Variants in CFAP54 observed in about 807,000 individuals in gnomAD.
CFAP54 encodes cilia and flagella associated protein 54.
In CFAP54, 290 loss-of-function variants were observed where a neutral mutation model predicts 370.4. The ratio of observed to expected loss-of-function variants is 0.78; its 90% CI spans 0.71 to 0.86. CFAP54 has a LOEUF of 0.86. Among genes scored for constraint, CFAP54 ranks in the 40% least tolerant of loss-of-function variants. The probability of loss-of-function intolerance (pLI) is 0.00; values close to 1 mark genes in which losing one functional copy is unlikely to be tolerated. For missense variants in CFAP54, 3,399 were observed against 3,528.7 expected (o/e 0.96, Z 0.93); for synonymous variants, 1,206 against 1,236.5 (o/e 0.98, Z 0.52).
At chr12:96,681,308 C>T (rs1032897983) in intron 40 of CFAP54, among the ~76,000 whole-genome samples, 1 of 151,862 alleles carries the variant, frequency 6.6e-6, no homozygotes, top group African/African-American at 2.4e-5. Context: ...TTAACTACTT[C>T]CCCTAGAATA....
intron 26 of CFAP54, among the ~76,000 whole-genome samples, chr12:96,608,459 CTTTTT>C (rs5800258): frequency 1.9e-5 from 2 of 107,000 alleles, no homozygotes; most frequent in Non-Finnish European, 3.6e-5. Flanking sequence ...CATAGTAGGA[CTTTTT>C]TTTTTTTTTT....
intron 66 of CFAP54, among the ~76,000 whole-genome samples, chr12:96,841,695 A>C (rs1220584191): frequency 6.6e-6 from 1 of 152,230 alleles, no homozygotes; most frequent in Non-Finnish European, 1.5e-5. Context: ...TAGGAAGAGC[A>C]CTTAGCACAC....
intron 45 of CFAP54, among the ~76,000 whole-genome samples, chr12:96,695,106 C>T (rs1490492132): frequency 3.9e-5 from 6 of 152,160 alleles, no homozygotes; most frequent in African/African-American, 1.4e-4. Flanking sequence ...GGTGTGAATA[C>T]TCCCACTATG....
At chr12:96,734,223 G>GA (rs1014676991) in intron 50 of CFAP54, among the ~76,000 whole-genome samples, 1 of 151,776 alleles carries the variant, frequency 6.6e-6, no homozygotes, top group Admixed American at 6.6e-5. Context: ...TAACAAATTA[G>GA]AAAAAAAATC....
chr12:96,808,209 C>T (rs1164910604), intron 63 of CFAP54, among the ~76,000 whole-genome samples: 1 of 152,056 alleles, frequency 6.6e-6, no homozygotes, highest in Non-Finnish European at 1.5e-5. Flanking sequence ...TCTTTCAGTT[C>T]CATTGTTTTT....
At chr12:96,853,697 G>C (rs1959620253) in intron 66 of CFAP54, among the ~76,000 whole-genome samples, 2 of 152,118 alleles carry the variant, frequency 1.3e-5, no homozygotes, top group Non-Finnish European at 2.9e-5. Context: ...GGAATGTCTA[G>C]AAAGGAAGGC....
chr12:96,697,384 G>A (rs7308609), intron 45 of CFAP54, among the ~76,000 whole-genome samples: 132,118 of 152,146 alleles, frequency 0.87, 57,699 homozygotes, highest in African/African-American at 0.95. Flanking sequence ...AAGAGTTTAT[G>A]TGTCTCCCCT....
intron 65 of CFAP54, among the ~76,000 whole-genome samples, chr12:96,820,818 T>A (rs1565990496): frequency 1.3e-5 from 2 of 152,208 alleles, no homozygotes; most frequent in Non-Finnish European, 2.9e-5. Context: ...TTTTTATACT[T>A]CTTTTGTAGA....
At chr12:96,518,558 C>T (rs1346454291) in intron 5 of CFAP54, among the ~76,000 whole-genome samples, 1 of 152,114 alleles carries the variant, frequency 6.6e-6, no homozygotes, top group Non-Finnish European at 1.5e-5. Context: ...TGGTGGTGCA[C>T]ACCTGTAGTT....
Position 96,756,359 on chromosome 12 carries a change from CA to C in CFAP54, c.7841-98del, listed in dbSNP as rs151331176. On this transcript the variant is annotated intron_variant, in intron 56 of 67. Transcript: ENST00000524981. ...AATAGACAGACATACAAAAGGACAG[CA>C]CATCAAATATTCTGAATTTCCAGCA... is the stretch of plus-strand genomic sequence containing the variant. 1,293 of 669,796 alleles carry C rather than the reference CA, an allele frequency of 1.9e-3. 10 individuals carry two copies. In the African/African-American group the frequency reaches 0.021, roughly 11 times the overall value. 41.5% of individuals were successfully genotyped at this position (669,796 alleles called of 1,614,324 possible). A position where few individuals can be genotyped will look rare whatever the true frequency, so the allele number is the denominator to read the frequency against.
chr12:96,630,889 C>T (rs538400377), intron 32 of CFAP54, among the ~76,000 whole-genome samples: 25 of 151,994 alleles, frequency 1.6e-4, no homozygotes, highest in African/African-American at 4.3e-4. Context: ...TTTGGCTTGG[C>T]ATGAAGGTGG....
chr12:96,594,386 A>G lies in CFAP54; in HGVS notation c.3456A>G (p.Gln1152=), dbSNP rs1231380746. The G allele has an allele frequency of 4.6e-6, 7 of 1,534,696 alleles. No homozygotes were observed. Among genetic ancestry groups the G allele is most frequent in the Non-Finnish European group, 6.1e-6 (7 of 1,145,842 alleles). ...GCTATGCCCTTCAAGCTGTGACTCA[A>G]TGTTATGGACTTCTTGCTCCCATAA... ...DSSYALQAVT[Q]CYGLLAPIIY... is the part of the protein sequence containing the mutation. Residue 1152 remains glutamine, a synonymous_variant, in exon 25 of 68, where the codon CAA becomes CAG. Transcript: ENST00000524981.
intron 26 of CFAP54, among the ~76,000 whole-genome samples, chr12:96,606,948 C>T (rs1956308121): frequency 6.6e-6 from 1 of 152,258 alleles, no homozygotes; most frequent in South Asian, 2.1e-4. Context: ...GCAGTTTGAC[C>T]AGAGATCTGG....
intron 45 of CFAP54, among the ~76,000 whole-genome samples, chr12:96,699,404 G>A (rs551611540): frequency 1.3e-5 from 2 of 152,030 alleles, no homozygotes; most frequent in Non-Finnish European, 2.9e-5. Context: ...TATTACCTGG[G>A]TGATGAAATA....
chr12:96,791,126 A>G (rs1247748123), intron 62 of CFAP54, among the ~76,000 whole-genome samples: 7 of 152,020 alleles, frequency 4.6e-5, no homozygotes, highest in African/African-American at 1.7e-4. Context: ...GCCATGCTAC[A>G]AGCTTGGGTA....
At chr12:96,557,755 C>A (rs975221752) in intron 17 of CFAP54, among the ~76,000 whole-genome samples, 5 of 151,722 alleles carry the variant, frequency 3.3e-5, no homozygotes, top group African/African-American at 9.7e-5. Flanking sequence ...AAATCAAGCT[C>A]AAAAATGAAA....
intron 65 of CFAP54, among the ~76,000 whole-genome samples, chr12:96,827,909 CATA>C (rs1258680022): frequency 3.0e-5 from 3 of 100,698 alleles, no homozygotes; most frequent in Non-Finnish European, 5.5e-5. Context: ...ATATATAATA[CATA>C]GTAATATATT....
intron 2 of CFAP54, 145 bp from the exon 3 acceptor site, chr12:96,503,741 C>T: frequency 1.6e-6 from 1 of 641,716 alleles, no homozygotes; most frequent in East Asian, 2.9e-5. Flanking sequence ...CTCTCACATA[C>T]TATGTTTTTG....
intron 19 of CFAP54, among the ~76,000 whole-genome samples, chr12:96,567,655 A>G (rs1955876231): frequency 6.6e-6 from 1 of 152,052 alleles, no homozygotes; most frequent in African/African-American, 2.4e-5. Context: ...TTTTAGAAAT[A>G]TTGGTCTTAC....
Sources: gnomAD v4.1 joint callset for allele counts (sites outside exome capture counted in the v4.1 genomes callset) on GRCh38, gnomAD v4.1.1 for gene constraint, MANE v1.5 for transcripts, NCBI Gene and HGNC (gene_info 2026-07-23, HGNC 2026-07-21) for gene names.